Variants in RSPH14 observed in about 807,000 individuals in gnomAD.
RSPH14 encodes radial spoke head 14 homolog.
Under a neutral mutation model 26.7 loss-of-function variants are expected in RSPH14, and 20 were observed. The ratio of observed to expected loss-of-function variants is 0.75; its 90% CI spans 0.53 to 1.09. RSPH14 has a LOEUF of 1.09. Among genes scored for constraint, RSPH14 ranks in the 50% least tolerant of loss-of-function variants. The pLI is 0.00. For missense variants in RSPH14, 449 were observed against 457.2 expected (o/e 0.98, Z 0.16); for synonymous variants, 177 against 189.3 (o/e 0.93, Z 0.53).
At chr22:23,122,567 G>A (rs16997606) in intron 4 of RSPH14, 4,423 of 155,468 alleles carry the variant, frequency 0.028, 227 homozygotes, top group African/African-American at 0.1. Flanking sequence ...CCTAGTGTCC[G>A]ATGGTACCAC....
At chr22:23,162,850 C>G in the RSPH14 span, 1 of 418,534 alleles carries the variant, frequency 2.4e-6, no homozygotes, top group Non-Finnish European at 5.0e-6. Flanking sequence ...TAGGGAAGAA[C>G]ACTGGCATCT....
intron 4 of RSPH14, among the ~76,000 whole-genome samples, chr22:23,105,199 C>T (rs1251063608): frequency 6.6e-6 from 1 of 152,182 alleles, no homozygotes; most frequent in Admixed American, 6.5e-5. Flanking sequence ...CCTGTGGTGA[C>T]CAGGGGAGAA....
chr22:23,068,747 C>T (rs1448401907), intron 4 of RSPH14, among the ~76,000 whole-genome samples: 5 of 152,230 alleles, frequency 3.3e-5, no homozygotes, highest in African/African-American at 1.2e-4. Context: ...TAAACATTAA[C>T]CCTCAGAGCC....
intron 4 of RSPH14, among the ~76,000 whole-genome samples, chr22:23,119,929 G>T (rs141637624): frequency 6.6e-6 from 1 of 152,226 alleles, no homozygotes; most frequent in Non-Finnish European, 1.5e-5. Flanking sequence ...CCCATGGTTT[G>T]TCTCAAGGAA....
At chr22:23,082,485 C>T (rs1266627173) in intron 4 of RSPH14, among the ~76,000 whole-genome samples, 1 of 151,442 alleles carries the variant, frequency 6.6e-6, no homozygotes, top group Middle Eastern at 3.4e-3. Flanking sequence ...TCCCAAAGTG[C>T]TGGGATTACA....
the RSPH14 span, chr22:23,157,982 G>T: frequency 6.2e-7 from 1 of 1,614,166 alleles, no homozygotes; most frequent in Non-Finnish European, 8.5e-7. Flanking sequence ...GGCTTTTTCC[G>T]GGTGTCTAGT....
intron 4 of RSPH14, among the ~76,000 whole-genome samples, chr22:23,121,638 C>T (rs780362538): frequency 6.6e-5 from 10 of 151,994 alleles, no homozygotes; most frequent in Non-Finnish European, 1.0e-4. Flanking sequence ...GCTGTTGCTT[C>T]GTGCCTGAGT....
Position 23,060,723 on chromosome 22 carries a change from G to A in RSPH14, c.791-1005C>T, listed in dbSNP as rs551348488. On this transcript the variant is annotated intron_variant, in intron 6 of 6. Transcript: ENST00000216036. The stretch of plus-strand genomic sequence containing the variant: ...TTGATCCCAAGCCCTTCCCAGAGGC[G>A]ACTTGTCCCCTGTGTTTGCCCCACC... 4.6e-5 allele frequency among the ~76,000 whole-genome samples: 7 copies of A among 152,192 alleles called. No homozygotes were observed. The East Asian group carries it at 9.7e-4, about 21-fold the overall frequency.
chr22:23,161,130 T>A, the RSPH14 span: 1 of 1,166,802 alleles, frequency 8.6e-7, no homozygotes, highest in Non-Finnish European at 1.2e-6. Context: ...GACCCTCCTC[T>A]CAGGGTGTCA....
At chr22:23,060,245 GT>G (rs1339164953) in intron 6 of RSPH14, among the ~76,000 whole-genome samples, 6 of 152,130 alleles carry the variant, frequency 3.9e-5, no homozygotes, top group Non-Finnish European at 8.8e-5. Context: ...GCCGAGGCTG[GT>G]GGATCACGAG....
intron 4 of RSPH14, among the ~76,000 whole-genome samples, chr22:23,111,679 G>A (rs1400492802): frequency 3.3e-5 from 5 of 152,246 alleles, no homozygotes; most frequent in Admixed American, 6.5e-5. Flanking sequence ...TCTCACTGCA[G>A]TTTGGTGGGA....
intron 4 of RSPH14, chr22:23,070,566 C>G (rs1388913652): frequency 1.3e-5 from 2 of 151,418 alleles, no homozygotes; most frequent in Non-Finnish European, 1.5e-5. Flanking sequence ...TGCTGCGGCC[C>G]GGAGGTGAGT....
At chr22:23,177,479 C>A in the RSPH14 span, among the ~76,000 whole-genome samples, 2 of 152,198 alleles carry the variant, frequency 1.3e-5, no homozygotes, top group Admixed American at 6.5e-5. Flanking sequence ...GGTCTGTGAC[C>A]TTGCAGAGTT....
the RSPH14 span, among the ~76,000 whole-genome samples, chr22:23,174,711 G>A: frequency 4.8e-3 from 727 of 150,672 alleles, 5 homozygotes; most frequent in African/African-American, 0.017. Context: ...GCTCACGCCT[G>A]TAATCCCAGT....
At chr22:23,066,636 CTATT>C (rs2068217540) in intron 4 of RSPH14, among the ~76,000 whole-genome samples, 1 of 152,152 alleles carries the variant, frequency 6.6e-6, no homozygotes, top group Non-Finnish European at 1.5e-5. Flanking sequence ...TCGGGCCTGG[CTATT>C]TATAACTAAC....
chr22:23,063,404 C>T (rs2068132546), intron 5 of RSPH14, among the ~76,000 whole-genome samples: 1 of 152,210 alleles, frequency 6.6e-6, no homozygotes, highest in African/African-American at 2.4e-5. Context: ...CGCACCCTGC[C>T]CCCTGCAGCT....
chr22:23,127,436 G>C (rs181492762), intron 4 of RSPH14, among the ~76,000 whole-genome samples: 14 of 152,346 alleles, frequency 9.2e-5, no homozygotes, highest in Admixed American at 8.5e-4. Context: ...CCTGCCCTGA[G>C]GGCAGGCAAG....
chr22:23,162,760 T>G, the RSPH14 span: 6 of 456,308 alleles, frequency 1.3e-5, 1 homozygote, highest in South Asian at 9.3e-5. Flanking sequence ...GGCAGCCTTC[T>G]GATCAGTACT....
chr22:23,095,736 G>C, intron 4 of RSPH14: 1 of 1,611,992 alleles, frequency 6.2e-7, no homozygotes, highest in Non-Finnish European at 8.5e-7. Flanking sequence ...GAAGCAGCCC[G>C]GCGGTCCCGG....
Sources: gnomAD v4.1 joint callset for allele counts (sites outside exome capture counted in the v4.1 genomes callset) on GRCh38, gnomAD v4.1.1 for gene constraint, MANE v1.5 for transcripts, NCBI Gene and HGNC (gene_info 2026-07-23, HGNC 2026-07-21) for gene names.